The following DHDH variants were observed in gnomAD, a reference collection of about 807,000 sequenced individuals.
DHDH encodes the protein dihydrodiol dehydrogenase.
In DHDH, 29 loss-of-function variants were observed where a neutral mutation model predicts 33.2. The observed-to-expected ratio is 0.87, with a 90% CI of 0.65 to 1.19. The LOEUF (loss-of-function observed/expected upper bound fraction) is 1.19. Among genes scored for constraint, DHDH ranks in the 50% most tolerant of loss-of-function variants. DHDH has a pLI of 0.00. For synonymous variants in DHDH, 201 were observed against 187.9 expected, an observed-to-expected ratio of 1.07 and a Z score of -0.57; for missense variants, 431 against 455.0, an observed-to-expected ratio of 0.95 and a Z score of 0.48.
At chr19:48,933,641 C>T, upstream of DHDH, 2 of 1,392,096 alleles carry the variant, frequency 1.4e-6, no homozygotes, top group Admixed American at 3.4e-5. Flanking sequence ...GATGGGGACC[C>T]GCCCCCGGGG....
In DHDH at chr19:48,936,028, C is replaced by A. The variant is rs759141922; in HGVS notation, c.203-4C>A. 6.3e-7 allele frequency: 1 copy of A among 1,594,896 alleles called. No homozygotes were observed. Among genetic ancestry groups the A allele is most frequent in the Admixed American group, 1.8e-5 (1 of 56,712 alleles). ...GCTGACCTCTTGACCTACTCCCACC[C>A]TAGAGGTGGCCTACATTGGCACCCA... On this transcript the variant is annotated splice_polypyrimidine_tract_variant and splice_region_variant and intron_variant, in intron 2 of 6. Coordinates refer to ENST00000221403, the MANE Select transcript of DHDH (RefSeq NM_014475.4).
In DHDH at chr19:48,936,087, C is replaced by G. The variant is rs2037769695; in HGVS notation, c.258C>G (p.Cys86Trp). 6.2e-7 allele frequency: 1 copy of G among 1,611,292 alleles called. No individual in the cohort carries two copies. The highest frequency in any genetic ancestry group is 8.5e-7 in the Non-Finnish European group (1 of 1,179,314). Residue 86 changes from cysteine to tryptophan, a missense_variant, in exon 3 of 7, where the codon TGC becomes TGG. Transcript: ENST00000221403. ...HPQHKAAVML[C>W]LAAGKAVLCE... ...AGCACAAGGCGGCGGTGATGCTGTG[C>G]TTGGCGGCGGGCAAGGCCGTTCTGT...
At chr19:48,935,814 TC>T (rs199571577) in intron 2 of DHDH, among the ~76,000 whole-genome samples, 40 of 150,544 alleles carry the variant, frequency 2.7e-4, no homozygotes, top group African/African-American at 6.1e-4. Context: ...AGACTCCGCC[TC>T]CAAAAAAAAA....
In DHDH at chr19:48,933,720, C is replaced by T. The variant is rs1862448537; in HGVS notation, c.-2C>T. On this transcript the variant is annotated 5_prime_UTR_variant, in exon 1 of 7. Transcript: ENST00000221403. Reference sequence around the variant, plus strand: ...AGGTGCCGAGGGCTCCGCATCGCAACCATGGCGCTGCGCTGGGGCATCGTG... The same window carrying T: ...AGGTGCCGAGGGCTCCGCATCGCAATCATGGCGCTGCGCTGGGGCATCGTG... 7.4e-6 allele frequency: 12 copies of T among 1,613,228 alleles called. No homozygotes were observed. Among genetic ancestry groups the T allele is most frequent in the African/African-American group, 1.3e-5 (1 of 74,940 alleles).
In DHDH at chr19:48,944,393, G is replaced by T. The variant is rs377006372; in HGVS notation, c.781G>T (p.Val261Leu). ...NPCWCPTELVVKGEHKEFPLP... is the reference protein window; with the variant it reads ...NPCWCPTELVLKGEHKEFPLP... ...CTGCTGGTGCCCGACCGAGCTGGTG[G>T]TGAAGGGGGAGCATAAGGAGTTCCC... The change falls in exon 6 of 7, where the codon GTG (valine) becomes TTG (leucine). Residue 261 changes from valine (V) to leucine (L), a missense_variant. Coordinates refer to ENST00000221403, the MANE Select transcript of DHDH (RefSeq NM_014475.4). 2 of 1,614,044 alleles carry T rather than the reference G, an allele frequency of 1.2e-6. No individual in the cohort carries two copies. Among genetic ancestry groups the T allele is most frequent in the African/African-American group, 2.7e-5 (2 of 74,932 alleles).
At chr19:48,935,537 G>A (rs1474149410) in intron 2 of DHDH, among the ~76,000 whole-genome samples, 2 of 145,924 alleles carry the variant, frequency 1.4e-5, no homozygotes, top group East Asian at 4.2e-4. Context: ...AAATAAATAG[G>A]CCGGGCGCGG....
intron 5 of DHDH, among the ~76,000 whole-genome samples, chr19:48,944,109 A>G (rs972413732): frequency 6.6e-6 from 1 of 152,034 alleles, no homozygotes; most frequent in African/African-American, 2.4e-5. Flanking sequence ...CTAAGCTCCT[A>G]AGGTTAGGGA....
intron 1 of DHDH, among the ~76,000 whole-genome samples, chr19:48,934,251 C>T (rs2037741731): frequency 6.6e-6 from 1 of 152,220 alleles, no homozygotes; most frequent in African/African-American, 2.4e-5. Flanking sequence ...TAACCAGGGG[C>T]ACATTGCACT....
intron 3 of DHDH, among the ~76,000 whole-genome samples, chr19:48,937,025 C>T (rs1435552620): frequency 3.9e-5 from 6 of 151,994 alleles, no homozygotes; most frequent in Non-Finnish European, 7.4e-5. Context: ...TGCAAGTGAT[C>T]CTCCTGCCGC....
intron 3 of DHDH, 55 bp downstream of exon 3, chr19:48,936,250 A>G: frequency 1.8e-5 from 28 of 1,514,216 alleles, no homozygotes; most frequent in Non-Finnish European, 2.4e-5. Flanking sequence ...GCCATTAAAT[A>G]TGGTTGCCAG....
chr19:48,933,713 A>G lies in DHDH; in HGVS notation c.-9A>G, dbSNP rs374731400. On this transcript the variant is annotated 5_prime_UTR_variant, in exon 1 of 7. Transcript: ENST00000221403. The stretch of plus-strand genomic sequence containing the variant: ...GGACCGAAGGTGCCGAGGGCTCCGC[A>G]TCGCAACCATGGCGCTGCGCTGGGG... 8 of 1,613,108 alleles carry G rather than the reference A, an allele frequency of 5.0e-6. No individual in the cohort carries two copies. In the African/African-American group the frequency reaches 8.0e-5, roughly 16 times the overall value.
chr19:48,933,680 G>T (rs375718626), upstream of DHDH: 1 of 1,602,514 alleles, frequency 6.2e-7, no homozygotes, highest in Non-Finnish European at 8.5e-7. Context: ...CTTAATTCGC[G>T]CCTGGAGGGA....
Position 48,936,160 on chromosome 19 carries a change from G to A in DHDH, c.331G>A (p.Ala111Thr), listed in dbSNP as rs559277480. 3.1e-6 allele frequency: 5 copies of A among 1,605,050 alleles called. No individual in the cohort carries two copies. Among genetic ancestry groups the A allele is most frequent in the East Asian group, 2.2e-5 (1 of 44,670 alleles). The change falls in exon 3 of 7, where the codon GCG (alanine) becomes ACG (threonine). Residue 111 changes from alanine to threonine, a missense_variant. Physicochemically the swap from Ala to Thr is moderately conservative, Grantham distance 58. Transcript: ENST00000221403. The part of the protein sequence containing the change: ...VNAAEVREMV[A>T]EARSRALFLM... ...CGCGGCGGAAGTTCGCGAGATGGTC[G>A]CGGAGGCCCGATCCCGAGCCCTCTT...
In DHDH at chr19:48,944,815, T is replaced by TC. The variant is rs768534959; in HGVS notation, c.896-5dup. Reference sequence around the variant, plus strand: ...GTAGGAGGGGTCCCTAACTACACTCTCCCCACAGGTATGAAGGAAAGTCCT... The same window carrying TC: ...GTAGGAGGGGTCCCTAACTACACTCTCCCCCACAGGTATGAAGGAAAGTCCT... On this transcript the variant is annotated splice_polypyrimidine_tract_variant and intron_variant, in intron 6 of 6. Transcript: ENST00000221403. 1 of 1,611,658 alleles carries TC rather than the reference T, an allele frequency of 6.2e-7. No homozygotes were observed. The highest frequency in any genetic ancestry group is 8.5e-7 in the Non-Finnish European group (1 of 1,178,894).
At chr19:48,933,643 C>T (rs1349951183), upstream of DHDH, 2 of 1,403,378 alleles carry the variant, frequency 1.4e-6, no homozygotes, top group Non-Finnish European at 1.0e-6. Context: ...TGGGGACCCG[C>T]CCCCGGGGTG....
At chr19:48,935,167 G>A (rs1337852028) in intron 2 of DHDH, 56 bp downstream of exon 2, 2 of 1,404,490 alleles carry the variant, frequency 1.4e-6, no homozygotes, top group Non-Finnish European at 1.9e-6. Flanking sequence ...GGTGCCCCCT[G>A]GCTGCCCCCT....
chr19:48,936,320 T>C (rs2037774980), intron 3 of DHDH, 125 bp downstream of exon 3: 1 of 1,297,136 alleles, frequency 7.7e-7, no homozygotes, highest in Non-Finnish European at 1.0e-6. Context: ...GCAGCATCTA[T>C]TACCGTGAAA....
intron 1 of DHDH, among the ~76,000 whole-genome samples, 200 bp from the exon 2 acceptor site, chr19:48,934,800 A>C (rs2037748525): frequency 6.6e-6 from 1 of 152,154 alleles, no homozygotes; most frequent in African/African-American, 2.4e-5. Context: ...TACTATGAAG[A>C]TAATTTCAAT....
intron 3 of DHDH, among the ~76,000 whole-genome samples, chr19:48,937,345 C>T (rs991459758): frequency 6.6e-6 from 1 of 152,112 alleles, no homozygotes; most frequent in Admixed American, 6.6e-5. Flanking sequence ...GCCCTTCCCC[C>T]GTGAGCCCTG....
Sources: allele counts gnomAD v4.1 joint callset (sites outside exome capture counted in the v4.1 genomes callset), GRCh38; gene constraint gnomAD v4.1.1; transcripts MANE v1.5; gene names NCBI Gene and HGNC (gene_info 2026-07-23, HGNC 2026-07-21).